EFHC2: variants seen among roughly 807,000 people sequenced by gnomAD.
EFHC2 encodes EF-hand domain containing 2.
A neutral mutation model predicts 52.7 loss-of-function variants in EFHC2; 18 were observed. The ratio of observed to expected loss-of-function variants is 0.34; its 90% CI spans 0.24 to 0.51. The LOEUF (loss-of-function observed/expected upper bound fraction) is 0.51, where lower values mean the gene tolerates loss of function less well. Among genes scored for constraint, EFHC2 ranks in the 20% least tolerant of loss-of-function variants. EFHC2 has a pLI of 0.97. For synonymous variants in EFHC2, 203 were observed against 204.1 expected (o/e 0.99, Z 0.04); for missense variants, 513 against 562.5 (o/e 0.91, Z 0.89).
intron 4 of EFHC2, among the ~76,000 whole-genome samples, chrX:44,251,846 G>A (rs1306363828): frequency 2.8e-5 from 3 of 108,412 alleles, no homozygotes; most frequent in Non-Finnish European, 3.8e-5. Context: ...TCTACATCTC[G>A]ATTTTTGTGT....
intron 4 of EFHC2, among the ~76,000 whole-genome samples, chrX:44,259,398 G>C (rs1016553043): frequency 9.1e-6 from 1 of 110,387 alleles, no homozygotes; most frequent in African/African-American, 3.3e-5. Flanking sequence ...GGCCTGTCAG[G>C]GGGTGGGGGG....
intron 4 of EFHC2, among the ~76,000 whole-genome samples, chrX:44,252,945 T>G (rs1277340862): frequency 1.8e-5 from 2 of 110,455 alleles, no homozygotes; most frequent in East Asian, 5.7e-4. Flanking sequence ...CTCATCTCAT[T>G]GGGACTGCTT....
At chrX:44,190,472 G>T (rs2036911282) in intron 11 of EFHC2, among the ~76,000 whole-genome samples, 1 of 112,049 alleles carries the variant, frequency 8.9e-6, no homozygotes, top group African/African-American at 3.2e-5. Flanking sequence ...ATCTGGAGCA[G>T]GTGGAATGTG....
intron 13 of EFHC2, among the ~76,000 whole-genome samples, chrX:44,168,248 G>C (rs1356026579): frequency 8.9e-6 from 1 of 111,989 alleles, no homozygotes; most frequent in Non-Finnish European, 1.9e-5. Flanking sequence ...TTTAGAAAGC[G>C]GTGTCCGGGC....
chrX:44,218,421 A>G (rs2037168104), intron 11 of EFHC2, among the ~76,000 whole-genome samples: 1 of 111,643 alleles, frequency 9.0e-6, no homozygotes, highest in African/African-American at 3.2e-5. Context: ...AAAATTATGA[A>G]AACTCTTCCA....
intron 11 of EFHC2, among the ~76,000 whole-genome samples, chrX:44,196,798 T>C (rs1455212960): frequency 8.9e-6 from 1 of 112,320 alleles, no homozygotes; most frequent in East Asian, 2.8e-4. Context: ...GTTTAGCATA[T>C]GTTAATTCAT....
intron 2 of EFHC2, chrX:44,310,513 C>T: frequency 7.0e-6 from 3 of 431,203 alleles, no homozygotes; most frequent in Non-Finnish European, 1.2e-5. Context: ...GGGGCCGGGA[C>T]CGGGCGGCTG....
intron 11 of EFHC2, among the ~76,000 whole-genome samples, chrX:44,225,250 T>TA (rs200993815): frequency 0.3 from 28,470 of 95,129 alleles, 3,605 homozygotes; most frequent in African/African-American, 0.42. Flanking sequence ...ATAAAAAAAT[T>TA]AAAAAAAAAA....
chrX:44,227,219 T>C (rs2037240309), intron 11 of EFHC2, among the ~76,000 whole-genome samples: 1 of 110,532 alleles, frequency 9.0e-6, no homozygotes, highest in Non-Finnish European at 1.9e-5. Flanking sequence ...TACGCATACA[T>C]AATGAAAGGA....
At chrX:44,189,585 CAGAG>C (rs1162441725) in intron 11 of EFHC2, among the ~76,000 whole-genome samples, 1 of 111,647 alleles carries the variant, frequency 9.0e-6, no homozygotes, top group Non-Finnish European at 1.9e-5. Context: ...GCAATATGAG[CAGAG>C]AGTTAGAAGC....
At chrX:44,296,209 G>A (rs1457120591) in intron 2 of EFHC2, among the ~76,000 whole-genome samples, 1 of 111,088 alleles carries the variant, frequency 9.0e-6, no homozygotes, top group Non-Finnish European at 1.9e-5. Context: ...TAGCAGGCAG[G>A]GTATGTGGAA....
At chrX:44,292,553 G>C (rs2037800128) in intron 2 of EFHC2, among the ~76,000 whole-genome samples, 1 of 111,791 alleles carries the variant, frequency 8.9e-6, no homozygotes, top group African/African-American at 3.3e-5. Flanking sequence ...CATCATTCCT[G>C]ACTGAATTTA....
intron 11 of EFHC2, among the ~76,000 whole-genome samples, chrX:44,205,121 G>A (rs954350962): frequency 1.8e-5 from 2 of 111,301 alleles, no homozygotes; most frequent in Non-Finnish European, 3.8e-5. Flanking sequence ...CTTCATAAAC[G>A]AAGGTGAGTC....
At chrX:44,194,845 G>A (rs749223982) in intron 11 of EFHC2, among the ~76,000 whole-genome samples, 68 of 110,951 alleles carry the variant, frequency 6.1e-4, no homozygotes, top group African/African-American at 1.8e-3. Context: ...ATGGTGACTC[G>A]CAGGGTCCAA....
intron 11 of EFHC2, among the ~76,000 whole-genome samples, chrX:44,215,078 G>A (rs758056394): frequency 1.8e-5 from 2 of 111,392 alleles, no homozygotes; most frequent in African/African-American, 3.3e-5. Context: ...CTAAAAGCAT[G>A]TGGCACTTCC....
chrX:44,313,296 C>A (rs1054046850), intron 1 of EFHC2, among the ~76,000 whole-genome samples: 4 of 111,538 alleles, frequency 3.6e-5, no homozygotes, highest in African/African-American at 1.3e-4. Flanking sequence ...TAACTCCCAC[C>A]TTTTCTGGTG....
chrX:44,187,134 G>GATATATATATATATATATATATATATAT, intron 11 of EFHC2, among the ~76,000 whole-genome samples: 1 of 43,390 alleles, frequency 2.3e-5, no homozygotes, highest in Non-Finnish European at 4.1e-5. Context: ...AAAACAAAAT[G>GATATATATATATATATATATATATATAT]GTATATATAT....
At chrX:44,197,058 G>T (rs772700254) in intron 11 of EFHC2, among the ~76,000 whole-genome samples, 15 of 112,164 alleles carry the variant, frequency 1.3e-4, no homozygotes, top group Non-Finnish European at 1.7e-4. Flanking sequence ...TGCCCACTTT[G>T]TAGGATTGCT....
intron 7 of EFHC2, among the ~76,000 whole-genome samples, chrX:44,243,978 A>C (rs1312637686): frequency 9.0e-6 from 1 of 110,897 alleles, no homozygotes; most frequent in Admixed American, 9.6e-5. Flanking sequence ...GGGCCTGAGG[A>C]GTTTCTTTCA....
Sources: gnomAD v4.1 joint callset for allele counts (sites outside exome capture counted in the v4.1 genomes callset) on GRCh38, gnomAD v4.1.1 for gene constraint, MANE v1.5 for transcripts, NCBI Gene and HGNC (gene_info 2026-07-23, HGNC 2026-07-21) for gene names.